CAT: variants seen among roughly 807,000 people sequenced by gnomAD.
CAT encodes epididymis secretory sperm binding protein.
In CAT, 43 loss-of-function variants were observed where a neutral mutation model predicts 59.0. The observed-to-expected ratio is 0.73, with a 90% confidence interval of 0.57 to 0.94. The LOEUF (loss-of-function observed/expected upper bound fraction) is 0.94, where lower values mean the gene tolerates loss of function less well. Among genes scored for constraint, CAT ranks in the 40% least tolerant of loss-of-function variants. CAT has a pLI of 0.00. For synonymous variants in CAT, 218 were observed against 230.9 expected (o/e 0.94, Z 0.51); for missense variants, 664 against 682.9 (o/e 0.97, Z 0.31).
At chr11:34,468,624 T>C (rs1564967639) in intron 11 of CAT, 1 of 589,040 alleles carries the variant, frequency 1.7e-6, no homozygotes, top group Non-Finnish European at 3.0e-6. Context: ...TGTGTACTAA[T>C]TTAGTTGTGT....
chr11:34,468,583 G>C (rs1482619165), intron 11 of CAT, 188 bp downstream of exon 11: 5 of 631,236 alleles, frequency 7.9e-6, no homozygotes, highest in Non-Finnish European at 1.1e-5. Context: ...ATCTGGTCTG[G>C]CATATCCATC....
chr11:34,468,292 G>T lies in CAT; in HGVS notation c.1331G>T (p.Arg444Leu). The change falls in exon 11 of 13, where the codon CGG (arginine) becomes CTG (leucine). Residue 444 changes from arginine to leucine, a missense_variant. Arg to Leu is a moderately radical substitution (Grantham distance 102). Coordinates refer to ENST00000241052, the MANE Select transcript of CAT (RefSeq NM_001752.4). ...TANDDNVTQVRAFYVNVLNEE... is the reference protein window; with the variant it reads ...TANDDNVTQVLAFYVNVLNEE... ...CTTGCTCTTTTCTCTGAGCAGGTGC[G>T]GGCATTCTATGTGAACGTGCTGAAT... 1 of 1,612,742 alleles carries T rather than the reference G, an allele frequency of 6.2e-7. No individual in the cohort carries two copies. The highest frequency in any genetic ancestry group is 8.5e-7 in the Non-Finnish European group (1 of 1,178,904).
Position 34,461,119 on chromosome 11 carries a change from G to A in CAT, c.1057-132G>A, listed in dbSNP as rs372553931. ...AGTAGAGGCTTCACTCTTAAGTAGC[G>A]GGAAAGGCAGAATTTTGTGGTAACC... On this transcript the variant is annotated intron_variant, in intron 8 of 12. Transcript: ENST00000241052. 1,851 of 990,288 alleles carry A rather than the reference G, an allele frequency of 1.9e-3. 39 individuals are homozygous for A. The South Asian group carries it at 0.023, about 12-fold the overall frequency. The allele number at this position is 990,288 out of a possible 1,614,324, so 61.3% of individuals were successfully genotyped here.
Position 34,471,935 on chromosome 11 carries a change from GATA to G in CAT, c.*508_*510del, listed in dbSNP as rs1476616859. On this transcript the variant is annotated 3_prime_UTR_variant, in exon 13 of 13. Transcript: ENST00000241052. ...CCGTCATGGCTTAATGTTTATTCCT[GATA>G]ATAATTGATCAAATTCATTTTTTTC... is the stretch of plus-strand genomic sequence containing the variant. The G allele has an allele frequency of 6.1e-6, 1 of 163,236 alleles. No homozygotes were observed. The highest frequency in any genetic ancestry group is 1.4e-5 in the Non-Finnish European group (1 of 73,838). The allele number at this position is 163,236 out of a possible 1,614,324, so 10.1% of individuals were successfully genotyped here. A position where few individuals can be genotyped will look rare whatever the true frequency, so the allele number is the denominator to read the frequency against.
chr11:34,440,540 ATTTTCT>A (rs1220517396), intron 1 of CAT, among the ~76,000 whole-genome samples: 5 of 150,930 alleles, frequency 3.3e-5, no homozygotes, highest in Admixed American at 1.3e-4. Context: ...AAAACAAAAT[ATTTTCT>A]TTTTCTTTTT....
In CAT at chr11:34,450,968, T is replaced by C; in HGVS notation, c.239-20T>C. On this transcript the variant is annotated intron_variant, in intron 2 of 12. Coordinates refer to ENST00000241052, the MANE Select transcript of CAT (RefSeq NM_001752.4). ...TGAGTAATGGTCTCATGGTAAGGAT[T>C]TCTGTGTCTTTCTCGTTAGGGGCCT... The C allele has an allele frequency of 1.3e-6, 2 of 1,505,966 alleles. No individual in the cohort carries two copies. The highest frequency in any genetic ancestry group is 1.8e-6 in the Non-Finnish European group (2 of 1,081,300). 93.3% of individuals were successfully genotyped at this position (1,505,966 alleles called of 1,614,324 possible).
At position 34,471,558 on chromosome 11, in the gene CAT, C is replaced by G; in HGVS notation, c.*125C>G. On this transcript the variant is annotated 3_prime_UTR_variant, in exon 13 of 13. Coordinates refer to ENST00000241052, the MANE Select transcript of CAT (RefSeq NM_001752.4). ...GCTAGTGGCTTCAAAATAGAGAATC[C>G]CACTTTCTATAGCAGATTGTGTAAC... 1 of 791,176 alleles carries G rather than the reference C, an allele frequency of 1.3e-6. No individual in the cohort carries two copies. Among genetic ancestry groups the G allele is most frequent in the Non-Finnish European group, 2.3e-6 (1 of 443,324 alleles). 49.0% of individuals were successfully genotyped at this position (791,176 alleles called of 1,614,324 possible). A position where few individuals can be genotyped will look rare whatever the true frequency, so the allele number is the denominator to read the frequency against.
rs369039368 is a variant in CAT at position 34,464,090 on chromosome 11, G to A, written c.1196-15G>A. ...TTCTTATTCCTAAGTGCATCTGGGT[G>A]GTTTTGTTTTGAAGGTGGTGCTCCA... On this transcript the variant is annotated splice_polypyrimidine_tract_variant and intron_variant, in intron 9 of 12. Transcript: ENST00000241052. 1.2e-5 allele frequency: 20 copies of A among 1,613,918 alleles called. No individual in the cohort carries two copies. The African/African-American group carries it at 2.5e-4, about 20-fold the overall frequency.
At chr11:34,448,112 A>G (rs1260116918) in intron 1 of CAT, among the ~76,000 whole-genome samples, 2 of 151,880 alleles carry the variant, frequency 1.3e-5, no homozygotes, top group African/African-American at 2.4e-5. Flanking sequence ...GTAAGTGCCT[A>G]CTCCCCACCG....
chr11:34,456,251 C>A, intron 7 of CAT, 49 bp downstream of exon 7: 1 of 1,416,056 alleles, frequency 7.1e-7, no homozygotes, highest in Non-Finnish European at 9.9e-7. Context: ...TCTCTTCTTA[C>A]CTAATTAGAA....
chr11:34,467,177 A>G (rs1173463383), intron 10 of CAT, among the ~76,000 whole-genome samples: 1 of 152,250 alleles, frequency 6.6e-6, no homozygotes, highest in Non-Finnish European at 1.5e-5. Context: ...TATGAGGAGA[A>G]AAACAGGTAG....
At chr11:34,463,515 G>A (rs964864013) in intron 9 of CAT, among the ~76,000 whole-genome samples, 1 of 152,112 alleles carries the variant, frequency 6.6e-6, no homozygotes, top group Admixed American at 6.5e-5. Context: ...TGTATATGCT[G>A]GGCTGGAGGA....
chr11:34,466,788 A>AAAAAAAAAAAAAAAAAG (rs1856724215), intron 10 of CAT, among the ~76,000 whole-genome samples: 1 of 148,914 alleles, frequency 6.7e-6, no homozygotes, highest in Non-Finnish European at 1.5e-5. Flanking sequence ...CTCAAAAAAA[A>AAAAAAAAAAAAAAAAAG]AAAAAAAAAA....
At chr11:34,461,420 G>A (rs763374095) in intron 9 of CAT, 31 bp downstream of exon 9, 13 of 1,613,064 alleles carry the variant, frequency 8.1e-6, no homozygotes, top group East Asian at 6.7e-5. Flanking sequence ...CTCCCCCTGC[G>A]TGGGCAGAGG....
chr11:34,442,881 G>A (rs1004936648), intron 1 of CAT, among the ~76,000 whole-genome samples: 1 of 152,094 alleles, frequency 6.6e-6, no homozygotes, highest in Non-Finnish European at 1.5e-5. Context: ...CCACACCTGG[G>A]GTAGTCTACC....
In CAT at chr11:34,449,970, C is replaced by T. The variant is rs555489792; in HGVS notation, c.238+607C>T. Among the ~76,000 whole-genome samples, 14 of 152,302 alleles carry T rather than the reference C, an allele frequency of 9.2e-5. No individual in the cohort carries two copies. The East Asian group carries it at 2.1e-3, about 23-fold the overall frequency. On this transcript the variant is annotated intron_variant, in intron 2 of 12. Coordinates refer to ENST00000241052, the MANE Select transcript of CAT (RefSeq NM_001752.4). ...AGGATGCTGTCCATTGCAGGGTGGA[C>T]TCACACTGGGACCATTCAGACATGC...
chr11:34,470,753 G>A (rs1856763988), intron 11 of CAT: 3 of 632,734 alleles, frequency 4.7e-6, no homozygotes, highest in Middle Eastern at 4.2e-4. Flanking sequence ...TGACCTATCC[G>A]AGGTTGCTCA....
chr11:34,454,949 G>T (rs1856572088), intron 6 of CAT, among the ~76,000 whole-genome samples: 1 of 152,160 alleles, frequency 6.6e-6, no homozygotes, highest in Non-Finnish European at 1.5e-5. Flanking sequence ...AGCTATACAA[G>T]TCCTGGAAAG....
rs148650530 is a variant in CAT, at chr11:34,447,003, C to T, written c.67-2189C>T. 1.1e-4 allele frequency among the ~76,000 whole-genome samples: 16 copies of T among 152,282 alleles called. No homozygotes were observed. In the East Asian group the frequency reaches 1.5e-3, roughly 15 times the overall value. ...AGGTGATCCACCTGCTGCAGCCTCC[C>T]GAAGTGTTGGGATTACAGGTGTGAG... On this transcript the variant is annotated intron_variant, in intron 1 of 12. Transcript: ENST00000241052.
Sources: gnomAD v4.1 joint callset for allele counts (sites outside exome capture counted in the v4.1 genomes callset) on GRCh38, gnomAD v4.1.1 for gene constraint, MANE v1.5 for transcripts, NCBI Gene and HGNC (gene_info 2026-07-23, HGNC 2026-07-21) for gene names.